Variants in PRKN observed in about 807,000 individuals in gnomAD.
PRKN encodes the protein E3 ubiquitin-protein ligase parkin.
In PRKN, 56 loss-of-function variants were observed where a neutral mutation model predicts 59.5. That is an observed-to-expected ratio of 0.94 (90% CI 0.76 to 1.18). PRKN has a LOEUF of 1.18. PRKN is among the 50% of genes most tolerant of loss of function. The probability of loss-of-function intolerance (pLI) is 0.00; values close to 1 mark genes in which losing one functional copy is unlikely to be tolerated. For missense variants in PRKN, 657 were observed against 596.4 expected, an observed-to-expected ratio of 1.10 and a Z score of -1.06; for synonymous variants, 250 against 222.1, an observed-to-expected ratio of 1.13 and a Z score of -1.12.
chr6:162,029,020 T>G (rs572719137), intron 5 of PRKN, among the ~76,000 whole-genome samples: 44 of 152,300 alleles, frequency 2.9e-4, no homozygotes, highest in African/African-American at 9.6e-4. Context: ...AACAAACATA[T>G]GTCATTGGAA....
At chr6:162,351,832 T>TTG (rs565646322) in intron 2 of PRKN, among the ~76,000 whole-genome samples, 284 of 151,286 alleles carry the variant, frequency 1.9e-3, no homozygotes, top group South Asian at 0.018. Flanking sequence ...TTGTGTGTGT[T>TTG]TGTGTGTGTG....
intron 1 of PRKN, among the ~76,000 whole-genome samples, chr6:162,617,697 C>A (rs911271050): frequency 1.3e-5 from 2 of 152,150 alleles, no homozygotes; most frequent in African/African-American, 4.8e-5. Context: ...TGAAATTATG[C>A]AGTTATCTGT....
intron 2 of PRKN, among the ~76,000 whole-genome samples, chr6:162,332,008 G>C (rs893246840): frequency 6.6e-6 from 1 of 152,108 alleles, no homozygotes; most frequent in East Asian, 1.9e-4. Flanking sequence ...TGCCAGTCTT[G>C]TGACCTATGT....
At chr6:161,908,620 C>A in intron 6 of PRKN, among the ~76,000 whole-genome samples, 1 of 150,902 alleles carries the variant, frequency 6.6e-6, no homozygotes, top group African/African-American at 2.4e-5. Context: ...ATTTAAAATC[C>A]AGATTGGTAT....
intron 2 of PRKN, among the ~76,000 whole-genome samples, chr6:162,387,549 CACACACAG>C (rs1786902649): frequency 1.3e-5 from 1 of 75,384 alleles, no homozygotes; most frequent in Non-Finnish European, 2.4e-5. Flanking sequence ...CACACACACA[CACACACAG>C]AGAGAGAGAG....
At chr6:162,088,498 GC>G (rs1394692677) in intron 4 of PRKN, among the ~76,000 whole-genome samples, 1 of 151,978 alleles carries the variant, frequency 6.6e-6, no homozygotes, top group Non-Finnish European at 1.5e-5. Context: ...AATTAAATTG[GC>G]TTAGTAAAAT....
intron 9 of PRKN, among the ~76,000 whole-genome samples, chr6:161,398,534 C>T (rs774735006): frequency 5.9e-5 from 9 of 152,132 alleles, no homozygotes; most frequent in Non-Finnish European, 1.3e-4. Flanking sequence ...ATTCATTCAA[C>T]CAAAAGTTCC....
intron 6 of PRKN, among the ~76,000 whole-genome samples, chr6:161,807,228 AAC>A (rs1394291181): frequency 2.0e-5 from 3 of 152,190 alleles, no homozygotes; most frequent in Non-Finnish European, 4.4e-5. Context: ...AGGTGGAGGC[AAC>A]AGTCACACGT....
intron 2 of PRKN, among the ~76,000 whole-genome samples, chr6:162,284,291 C>A (rs1781078424): frequency 7.8e-6 from 1 of 128,080 alleles, no homozygotes; most frequent in South Asian, 2.6e-4. Flanking sequence ...ATGGCGCAAT[C>A]TCGGCTCACT....
chr6:162,100,777 GT>G (rs376457118), intron 4 of PRKN, among the ~76,000 whole-genome samples: 186 of 152,148 alleles, frequency 1.2e-3, no homozygotes, highest in Middle Eastern at 6.8e-3. Flanking sequence ...ATCCTAACAG[GT>G]ATGAGGTAAT....
chr6:162,719,576 C>T lies in PRKN; in HGVS notation c.7+8086G>A, dbSNP rs554112476. On this transcript the variant is annotated intron_variant, in intron 1 of 11. Coordinates refer to ENST00000366898, the MANE Select transcript of PRKN (RefSeq NM_004562.3). ...AAATTGTAATCAGGACTGGATTTGC[C>T]TGGAAGGAAAATGCAGAGCCAGAGA... Among the ~76,000 whole-genome samples, 29 of 152,200 alleles carry T rather than the reference C, an allele frequency of 1.9e-4. No individual in the cohort carries two copies. The East Asian group carries it at 2.7e-3, about 14-fold the overall frequency.
intron 6 of PRKN, among the ~76,000 whole-genome samples, chr6:161,823,300 G>A (rs575397730): frequency 2.0e-5 from 3 of 151,854 alleles, no homozygotes; most frequent in South Asian, 2.1e-4. Context: ...TTCTTCTGTC[G>A]GCAGCAAATC....
chr6:162,678,394 G>A (rs1779634798), intron 1 of PRKN, among the ~76,000 whole-genome samples: 1 of 152,136 alleles, frequency 6.6e-6, no homozygotes, highest in Non-Finnish European at 1.5e-5. Context: ...TTCCCAAAGT[G>A]GTTTCTCCAT....
chr6:162,204,341 T>C (rs1365567533), intron 3 of PRKN, among the ~76,000 whole-genome samples: 1 of 152,092 alleles, frequency 6.6e-6, no homozygotes, highest in Non-Finnish European at 1.5e-5. Flanking sequence ...CCATACCCCT[T>C]CTCAGAGCTG....
intron 2 of PRKN, among the ~76,000 whole-genome samples, chr6:162,359,077 A>ATAT (rs61153926): frequency 0.011 from 1,052 of 95,754 alleles, 4 homozygotes; most frequent in Non-Finnish European, 0.013. Context: ...AAAAAAAAAA[A>ATAT]AAATATATAT....
intron 6 of PRKN, among the ~76,000 whole-genome samples, chr6:161,806,899 C>T (rs1279523182): frequency 7.2e-5 from 11 of 152,100 alleles, no homozygotes; most frequent in African/African-American, 1.7e-4. Context: ...TGAAATTTTT[C>T]GCAAATAGTG....
chr6:161,778,295 A>G (rs1396806231), intron 7 of PRKN, among the ~76,000 whole-genome samples: 1 of 152,144 alleles, frequency 6.6e-6, no homozygotes, highest in Non-Finnish European at 1.5e-5. Context: ...TTACCAATAA[A>G]TCTACCCCAT....
chr6:162,035,028 A>T (rs1323183774), intron 5 of PRKN, among the ~76,000 whole-genome samples: 1 of 152,158 alleles, frequency 6.6e-6, no homozygotes, highest in African/African-American at 2.4e-5. Flanking sequence ...TGTCACCAGC[A>T]CCTGCTTCTC....
chr6:162,393,870 T>A (rs1182050774), intron 2 of PRKN, among the ~76,000 whole-genome samples: 1 of 152,198 alleles, frequency 6.6e-6, no homozygotes, highest in Non-Finnish European at 1.5e-5. Flanking sequence ...TAAAAACATT[T>A]CATATACTGG....
Sources: gnomAD v4.1 joint callset for allele counts (sites outside exome capture counted in the v4.1 genomes callset) on GRCh38, gnomAD v4.1.1 for gene constraint, MANE v1.5 for transcripts, NCBI Gene and HGNC (gene_info 2026-07-23, HGNC 2026-07-21) for gene names.